Variants in WWOX observed in about 807,000 individuals in gnomAD.
WWOX encodes the protein WW domain-containing oxidoreductase.
A neutral mutation model predicts 46.2 loss-of-function variants in WWOX; 69 were observed. That is an observed-to-expected ratio of 1.49 (90% CI 1.23 to 1.82). WWOX has a LOEUF of 1.82. Ranked by LOEUF, WWOX falls within the 40% of genes most tolerant of loss-of-function variation. The probability of loss-of-function intolerance (pLI) is 0.00; values close to 1 mark genes in which losing one functional copy is unlikely to be tolerated. For synonymous variants in WWOX, 359 were observed against 202.6 expected (o/e 1.77, Z -6.56); for missense variants, 919 against 542.6 (o/e 1.69, Z -6.89).
At chr16:79,052,924 C>G (rs544291958) in intron 8 of WWOX, among the ~76,000 whole-genome samples, 1 of 129,602 alleles carries the variant, frequency 7.7e-6, no homozygotes, top group African/African-American at 3.0e-5. Context: ...CACAGTTGAT[C>G]TCACTGATTC....
rs1432584970 is a variant in WWOX at position 78,342,320 on chromosome 16, T to C, written c.517-44540T>C. Among the ~76,000 whole-genome samples the C allele has an allele frequency of 1.7e-5, 2 of 120,280 alleles. 1 individual carries two copies. Among genetic ancestry groups the C allele is most frequent in the African/African-American group, 5.7e-5 (2 of 35,378 alleles). The allele number at this position is 120,280 out of a possible 152,430, so 78.9% of individuals were successfully genotyped here. A position where few individuals can be genotyped will look rare whatever the true frequency, so the allele number is the denominator to read the frequency against. On this transcript the variant is annotated intron_variant, in intron 5 of 8. Coordinates refer to ENST00000566780, the MANE Select transcript of WWOX (RefSeq NM_016373.4). ...CCTTTCATTACATATCCAGTGTGAG[T>C]TGGCTGGAAGGTCCACCCTACACAA...
chr16:78,522,466 G>A (rs2043370317), intron 8 of WWOX, among the ~76,000 whole-genome samples: 1 of 152,158 alleles, frequency 6.6e-6, no homozygotes. Context: ...TCTGCCTGCA[G>A]TCTCTTCCTC....
At chr16:78,871,338 C>A (rs16948667) in intron 8 of WWOX, among the ~76,000 whole-genome samples, 15,523 of 152,152 alleles carry the variant, frequency 0.1, 943 homozygotes, top group South Asian at 0.19. Flanking sequence ...AGGAGAGGGA[C>A]TGGGTGAACT....
chr16:78,492,455 A>G (rs1455499818), intron 8 of WWOX, among the ~76,000 whole-genome samples: 1 of 152,168 alleles, frequency 6.6e-6, no homozygotes, highest in Non-Finnish European at 1.5e-5. Context: ...AAACATATTC[A>G]GCATCCAATC....
rs117467129 is a variant in WWOX, at chr16:79,159,758, C to T, written c.1057-51850C>T. Among the ~76,000 whole-genome samples the T allele has an allele frequency of 2.3e-3, 344 of 152,286 alleles. 1 individual carries two copies. Among genetic ancestry groups the T allele is most frequent in the Non-Finnish European group, 3.7e-3 (249 of 68,012 alleles). ...TTTTATTTCTTCAAATTTACTCAGT[C>T]GAGAAAAATTTGTGGAGTGCGAATT... is the stretch of plus-strand genomic sequence containing the variant. On this transcript the variant is annotated intron_variant, in intron 8 of 8. Coordinates refer to ENST00000566780, the MANE Select transcript of WWOX (RefSeq NM_016373.4).
chr16:78,896,625 A>G (rs1369748872), intron 8 of WWOX: 1 of 152,206 alleles, frequency 6.6e-6, no homozygotes, highest in Non-Finnish European at 1.5e-5. Flanking sequence ...CTCAGATAGT[A>G]ATTAGTAAAC....
At chr16:79,056,954 G>A (rs1322695750) in intron 8 of WWOX, among the ~76,000 whole-genome samples, 3 of 152,168 alleles carry the variant, frequency 2.0e-5, no homozygotes, top group Non-Finnish European at 4.4e-5. Flanking sequence ...ATAGGGACAG[G>A]ATATTTATTA....
chr16:78,827,200 A>C (rs965887038), intron 8 of WWOX, among the ~76,000 whole-genome samples: 2 of 152,194 alleles, frequency 1.3e-5, no homozygotes, highest in African/African-American at 4.8e-5. Flanking sequence ...GGGTAAATGC[A>C]TGAAAACCTG....
intron 8 of WWOX, among the ~76,000 whole-genome samples, chr16:79,139,402 G>T (rs2050044944): frequency 2.0e-5 from 3 of 152,192 alleles, no homozygotes; most frequent in Admixed American, 2.0e-4. Context: ...GTGAATTACT[G>T]TAACACACTT....
chr16:78,355,495 G>T (rs543747643), intron 5 of WWOX: 2 of 349,460 alleles, frequency 5.7e-6, no homozygotes, highest in South Asian at 2.8e-5. Context: ...CCAGCTACTC[G>T]GGAGGCTGAG....
intron 8 of WWOX, among the ~76,000 whole-genome samples, chr16:78,499,476 C>G (rs908937970): frequency 1.2e-4 from 18 of 152,216 alleles, no homozygotes; most frequent in African/African-American, 3.6e-4. Flanking sequence ...TCAGGTGGGA[C>G]TCATGGAGAT....
In WWOX at chr16:78,270,812, C is replaced by T. The variant is rs902556301; in HGVS notation, c.516+106523C>T. Among the ~76,000 whole-genome samples, 8 of 152,088 alleles carry T rather than the reference C, an allele frequency of 5.3e-5. 1 individual carries two copies. Among genetic ancestry groups the T allele is most frequent in the Admixed American group, 2.0e-4 (3 of 15,284 alleles). On this transcript the variant is annotated intron_variant, in intron 5 of 8. Coordinates refer to ENST00000566780, the MANE Select transcript of WWOX (RefSeq NM_016373.4). ...AGCCAGTAGCCTTTTATTTATGACCCGTTAAAAAAAACAAAAATGAACAAA... is the reference window on the plus strand; with the variant it reads ...AGCCAGTAGCCTTTTATTTATGACCTGTTAAAAAAAACAAAAATGAACAAA...
chr16:78,255,161 A>T (rs545020771), intron 5 of WWOX, among the ~76,000 whole-genome samples: 2 of 152,204 alleles, frequency 1.3e-5, no homozygotes, highest in African/African-American at 2.4e-5. Context: ...AATGTTTGCC[A>T]TAACCCATAA....
At chr16:78,363,762 C>CA (rs2081466864) in intron 5 of WWOX, among the ~76,000 whole-genome samples, 1 of 152,176 alleles carries the variant, frequency 6.6e-6, no homozygotes, top group South Asian at 2.1e-4. Context: ...ATGTTAGCAA[C>CA]ATCATGAGCT....
At chr16:78,280,674 G>A (rs965971975) in intron 5 of WWOX, among the ~76,000 whole-genome samples, 4 of 151,840 alleles carry the variant, frequency 2.6e-5, no homozygotes, top group South Asian at 4.2e-4. Context: ...GGGGTGGGAG[G>A]TGCCCCACTT....
chr16:78,901,665 T>C (rs1490686397), intron 8 of WWOX, among the ~76,000 whole-genome samples: 1 of 152,176 alleles, frequency 6.6e-6, no homozygotes, highest in Non-Finnish European at 1.5e-5. Flanking sequence ...TTTTTGTATT[T>C]TTTTGTAGTA....
intron 8 of WWOX, among the ~76,000 whole-genome samples, chr16:78,736,045 G>A (rs1362566632): frequency 1.3e-5 from 2 of 152,328 alleles, no homozygotes; most frequent in South Asian, 2.1e-4. Flanking sequence ...GCAGACTAGA[G>A]ATGAAGACAG....
At chr16:78,378,502 T>A (rs935701849) in intron 5 of WWOX, among the ~76,000 whole-genome samples, 3 of 152,136 alleles carry the variant, frequency 2.0e-5, no homozygotes, top group Non-Finnish European at 4.4e-5. Context: ...TTAAATAATA[T>A]TAGAGGAATT....
intron 8 of WWOX, among the ~76,000 whole-genome samples, chr16:78,505,875 G>T (rs1043533945): frequency 6.6e-6 from 1 of 152,184 alleles, no homozygotes; most frequent in Non-Finnish European, 1.5e-5. Flanking sequence ...CATGGAGGAA[G>T]ATTCGGCCTT....
Sources: allele counts gnomAD v4.1 joint callset (sites outside exome capture counted in the v4.1 genomes callset), GRCh38; gene constraint gnomAD v4.1.1; transcripts MANE v1.5; gene names NCBI Gene and HGNC (gene_info 2026-07-23, HGNC 2026-07-21).